Variants in XDH observed in about 807,000 individuals in gnomAD.
The protein encoded by XDH is xanthine dehydrogenase.
Under a neutral mutation model 156.1 loss-of-function variants are expected in XDH, and 138 were observed. That is an observed-to-expected ratio of 0.88 (90% confidence interval 0.77 to 1.02). The LOEUF (loss-of-function observed/expected upper bound fraction) is 1.02. XDH is among the 50% of genes least tolerant of loss of function. The pLI is 0.00. For synonymous variants in XDH, 669 were observed against 625.7 expected (o/e 1.07, Z -1.03); for missense variants, 1,849 against 1,684.9 (o/e 1.10, Z -1.71).
At chr2:31,400,020 A>G (rs1687013811) in intron 4 of XDH, among the ~76,000 whole-genome samples, 1 of 152,152 alleles carries the variant, frequency 6.6e-6, no homozygotes, top group African/African-American at 2.4e-5. Flanking sequence ...AGGTTGGACA[A>G]GTTTAGTAAT....
Position 31,405,965 on chromosome 2 carries a change from C to T in XDH, c.43-1G>A. 1.9e-6 allele frequency: 3 copies of T among 1,614,086 alleles called. No homozygotes were observed. The highest frequency in any genetic ancestry group is 2.5e-6 in the Non-Finnish European group (3 of 1,179,982). On this transcript the variant is annotated splice_acceptor_variant, in intron 1 of 35. Coordinates refer to ENST00000379416, the MANE Select transcript of XDH (RefSeq NM_000379.4). LOFTEE classifies it high-confidence loss of function. ...CTGGATCTGCATTTTTCTCCACCAC[C>T]TATTAAAATAAATGAAAGAAAAATA...
chr2:31,344,215 C>T (rs571284366), intron 31 of XDH, among the ~76,000 whole-genome samples: 4 of 152,280 alleles, frequency 2.6e-5, no homozygotes, highest in East Asian at 3.9e-4. Flanking sequence ...AATAAGACCA[C>T]GTGCTCTAAA....
At position 31,393,989 on chromosome 2, in the gene XDH, C is replaced by CAT. The variant is rs1395956365; in HGVS notation, c.495+3677_495+3678dup. On this transcript the variant is annotated intron_variant, in intron 6 of 35. Transcript: ENST00000379416. Reference sequence around the variant, plus strand: ...CATTCATTTTACTTATACACAAGCACATATATATATACATATGCACACATA... The same window carrying CAT: ...CATTCATTTTACTTATACACAAGCACATATATATATATACATATGCACACATA... Among the ~76,000 whole-genome samples, 9 of 151,934 alleles carry CAT rather than the reference C, an allele frequency of 5.9e-5. No individual in the cohort carries two copies. In the East Asian group the frequency reaches 1.2e-3, roughly 20 times the overall value.
At chr2:31,369,417 T>C (rs1686009419) in intron 18 of XDH, among the ~76,000 whole-genome samples, 1 of 152,210 alleles carries the variant, frequency 6.6e-6, no homozygotes, top group East Asian at 1.9e-4. Flanking sequence ...ATAATTGTCA[T>C]CCAACATCCC....
At chr2:31,350,319 T>C (rs1429372197) in intron 24 of XDH, 96 bp from the exon 25 acceptor site, 13 of 1,247,574 alleles carry the variant, frequency 1.0e-5, no homozygotes, top group African/African-American at 1.5e-5. Context: ...TTGCCTGCCT[T>C]TCCCCTCTGC....
intron 24 of XDH, among the ~76,000 whole-genome samples, chr2:31,363,175 A>G (rs1189107358): frequency 6.6e-6 from 1 of 152,090 alleles, no homozygotes; most frequent in African/African-American, 2.4e-5. Flanking sequence ...AGCCAGGCAT[A>G]GGGGTGCATG....
At chr2:31,400,274 T>C (rs541369291) in intron 4 of XDH, among the ~76,000 whole-genome samples, 7 of 148,716 alleles carry the variant, frequency 4.7e-5, no homozygotes, top group African/African-American at 1.7e-4. Context: ...AGTCTCACTC[T>C]GTCGCCCAGG....
intron 24 of XDH, among the ~76,000 whole-genome samples, chr2:31,361,695 C>T (rs1046211189): frequency 1.8e-4 from 28 of 152,114 alleles, no homozygotes; most frequent in African/African-American, 6.3e-4. Flanking sequence ...GGCAGGTTGG[C>T]TTAATGAGGA....
In XDH at chr2:31,401,223, C is replaced by T. The variant is rs945163141; in HGVS notation, c.303G>A (p.Val101=). The T allele has an allele frequency of 1.2e-6, 2 of 1,614,038 alleles. No individual in the cohort carries two copies. Among genetic ancestry groups the T allele is most frequent in the Non-Finnish European group, 1.7e-6 (2 of 1,180,034 alleles). The change falls in exon 4 of 36, where the codon GTG becomes GTA. Residue 101 remains valine, a synonymous_variant. Transcript: ENST00000379416. The part of the protein sequence containing the change: ...IGSTKTRLHP[V]QERIAKSHGS... ...CAGCTCCCTTTCCTCTGTTTACCTG[C>T]ACAGGATGCAGCCTCGTCTTGGTGC...
intron 6 of XDH, among the ~76,000 whole-genome samples, chr2:31,394,746 G>GT (rs1488266363): frequency 2.5e-4 from 38 of 151,826 alleles, no homozygotes; most frequent in African/African-American, 8.7e-4. Context: ...CCTTTTCTCT[G>GT]TTTTTTGGTT....
chr2:31,385,550 G>A (rs545605559), intron 9 of XDH, among the ~76,000 whole-genome samples: 1 of 152,196 alleles, frequency 6.6e-6, no homozygotes, highest in Admixed American at 6.5e-5. Context: ...CTCCACAGCA[G>A]AGGTCCTCAG....
intron 4 of XDH, 78 bp downstream of exon 4, chr2:31,401,142 G>A (rs1687048014): frequency 6.6e-6 from 10 of 1,526,344 alleles, no homozygotes; most frequent in Non-Finnish European, 9.0e-6. Context: ...CCCAAAGCAA[G>A]TCTGCAACTT....
In XDH at chr2:31,335,252, A is replaced by G. The variant is rs1196664734; in HGVS notation, c.*706T>C. On this transcript the variant is annotated 3_prime_UTR_variant, in exon 36 of 36. Transcript: ENST00000379416. ...TAATCTTTTTTGTAAATACTCAAAG[A>G]GTATTTGGAATACAAATATTCTCTT... 2.5e-5 allele frequency: 3 copies of G among 119,930 alleles called. No homozygotes were observed. The highest frequency in any genetic ancestry group is 2.4e-4 in the Admixed American group (3 of 12,490). The allele number at this position is 119,930 out of a possible 1,614,324, so 7.4% of individuals were successfully genotyped here. A position where few individuals can be genotyped will look rare whatever the true frequency, so the allele number is the denominator to read the frequency against.
At chr2:31,346,907 AC>A in intron 29 of XDH, 64 bp from the exon 30 acceptor site, 1 of 1,607,856 alleles carries the variant, frequency 6.2e-7, no homozygotes, top group Non-Finnish European at 8.5e-7. Flanking sequence ...CCCAGGCAAA[AC>A]CCGAGGGCCC....
chr2:31,343,425 GTTTT>G (rs764483699), intron 31 of XDH, among the ~76,000 whole-genome samples: 78 of 139,434 alleles, frequency 5.6e-4, no homozygotes, highest in African/African-American at 1.9e-3. Context: ...GCATAGAAAT[GTTTT>G]TTTGTGTATA....
intron 17 of XDH, among the ~76,000 whole-genome samples, chr2:31,370,940 A>G (rs1686055035): frequency 6.6e-6 from 1 of 152,236 alleles, no homozygotes; most frequent in South Asian, 2.1e-4. Context: ...AACGAACAGC[A>G]CTTACTCTGG....
At chr2:31,348,427 C>A in intron 27 of XDH, 64 bp from the exon 28 acceptor site, 1 of 1,507,272 alleles carries the variant, frequency 6.6e-7, no homozygotes, top group Non-Finnish European at 9.2e-7. Flanking sequence ...AGGTTTGGGA[C>A]CAAAGGTATG....
chr2:31,412,397 C>T (rs1279674118), intron 1 of XDH, among the ~76,000 whole-genome samples: 2 of 152,042 alleles, frequency 1.3e-5, no homozygotes, highest in African/African-American at 4.8e-5. Flanking sequence ...AAACCAAACA[C>T]TGCATGTTCT....
intron 9 of XDH, 70 bp downstream of exon 9, chr2:31,386,344 G>A (rs1686592235): frequency 1.9e-6 from 3 of 1,594,554 alleles, no homozygotes; most frequent in Admixed American, 1.7e-5. Context: ...GGGAGGTGAG[G>A]ATGGGCAAGA....
Sources: gnomAD v4.1 joint callset for allele counts (sites outside exome capture counted in the v4.1 genomes callset) on GRCh38, gnomAD v4.1.1 for gene constraint, MANE v1.5 for transcripts, NCBI Gene and HGNC (gene_info 2026-07-23, HGNC 2026-07-21) for gene names.